Variants in RSRC1 observed in about 807,000 individuals in gnomAD.
The protein encoded by RSRC1 is arginine and serine rich coiled-coil 1.
Under a neutral mutation model 49.1 loss-of-function variants are expected in RSRC1, and 39 were observed. The observed-to-expected ratio is 0.79, with a 90% CI of 0.61 to 1.04. The LOEUF is 1.04. RSRC1 is among the 50% of genes least tolerant of loss of function. The probability of loss-of-function intolerance (pLI) is 0.00; values close to 1 mark genes in which losing one functional copy is unlikely to be tolerated. For missense variants in RSRC1, 388 were observed against 402.4 expected (o/e 0.96, Z 0.31); for synonymous variants, 143 against 130.8 (o/e 1.09, Z -0.63).
At position 158,460,306 on chromosome 3, in the gene RSRC1, G is replaced by A. The variant is rs75713066; in HGVS notation, c.584-629G>A. On this transcript the variant is annotated intron_variant, in intron 6 of 9. Coordinates refer to ENST00000611884, the MANE Select transcript of RSRC1 (RefSeq NM_001271838.2). ...AATTAATTTACAGAGTATATTGATA[G>A]TCCCTTGTTACTGTGCTGTATATTT... 1.8e-4 allele frequency among the ~76,000 whole-genome samples: 28 copies of A among 151,958 alleles called. No homozygotes were observed. The East Asian group carries it at 3.1e-3, about 17-fold the overall frequency.
intron 4 of RSRC1, among the ~76,000 whole-genome samples, chr3:158,284,183 A>G (rs1262685795): frequency 6.6e-6 from 1 of 151,524 alleles, no homozygotes; most frequent in African/African-American, 2.4e-5. Context: ...GAGAATGATG[A>G]TTTCCAATTT....
chr3:158,256,377 T>C (rs766031669), intron 4 of RSRC1, among the ~76,000 whole-genome samples: 26 of 152,208 alleles, frequency 1.7e-4, no homozygotes, highest in Non-Finnish European at 3.7e-4. Flanking sequence ...GATTTGCGTA[T>C]GTTGAACTAG....
At chr3:158,187,089 C>T (rs1719974737) in intron 3 of RSRC1, among the ~76,000 whole-genome samples, 1 of 151,896 alleles carries the variant, frequency 6.6e-6, no homozygotes, top group Non-Finnish European at 1.5e-5. Context: ...TCAGTTTTAT[C>T]ACTCATTGGC....
intron 4 of RSRC1, among the ~76,000 whole-genome samples, chr3:158,290,700 T>G (rs917557895): frequency 6.6e-6 from 1 of 152,226 alleles, no homozygotes; most frequent in Non-Finnish European, 1.5e-5. Flanking sequence ...AATGTAGATA[T>G]GTAATAATGT....
chr3:158,445,119 A>G (rs1309970202), intron 6 of RSRC1, among the ~76,000 whole-genome samples: 1 of 152,212 alleles, frequency 6.6e-6, no homozygotes, highest in Non-Finnish European at 1.5e-5. Context: ...ATCTAGAACT[A>G]GAAATACCAT....
chr3:158,163,190 A>C (rs767614187), intron 3 of RSRC1, among the ~76,000 whole-genome samples: 3 of 152,030 alleles, frequency 2.0e-5, no homozygotes, highest in Non-Finnish European at 4.4e-5. Flanking sequence ...TTTAGTAGAG[A>C]TGGGGTTTCA....
intron 6 of RSRC1, among the ~76,000 whole-genome samples, chr3:158,398,268 A>G (rs573154068): frequency 6.6e-6 from 1 of 152,204 alleles, no homozygotes; most frequent in African/African-American, 2.4e-5. Flanking sequence ...ACAGAAACTT[A>G]TTTCTCACAG....
chr3:158,435,801 T>A (rs993680069), intron 6 of RSRC1, among the ~76,000 whole-genome samples: 21 of 151,762 alleles, frequency 1.4e-4, no homozygotes, highest in Non-Finnish European at 2.8e-4. Flanking sequence ...ATACATCTTT[T>A]AACTAGAAGA....
intron 4 of RSRC1, among the ~76,000 whole-genome samples, chr3:158,240,494 T>C (rs899263997): frequency 2.6e-5 from 4 of 152,220 alleles, no homozygotes; most frequent in African/African-American, 9.6e-5. Context: ...TTATTCATGA[T>C]GTATAATCTT....
intron 6 of RSRC1, among the ~76,000 whole-genome samples, chr3:158,431,836 C>T (rs1735784083): frequency 6.6e-6 from 1 of 151,778 alleles, no homozygotes; most frequent in South Asian, 2.1e-4. Flanking sequence ...ATTGTTTTGC[C>T]TCTGAAATAT....
intron 3 of RSRC1, among the ~76,000 whole-genome samples, chr3:158,145,937 T>G (rs1717076726): frequency 6.6e-6 from 1 of 152,164 alleles, no homozygotes. Flanking sequence ...GTTTGTCTGT[T>G]ATTGGTGTAT....
intron 3 of RSRC1, among the ~76,000 whole-genome samples, chr3:158,199,613 T>G (rs1362344808): frequency 1.3e-5 from 2 of 152,188 alleles, no homozygotes; most frequent in African/African-American, 2.4e-5. Context: ...GTAATTGATT[T>G]TAGATATTTC....
At chr3:158,491,355 T>C (rs541714116) in intron 7 of RSRC1, among the ~76,000 whole-genome samples, 1 of 152,346 alleles carries the variant, frequency 6.6e-6, no homozygotes, top group East Asian at 1.9e-4. Flanking sequence ...ATGTATGGAA[T>C]GATGTAAACT....
chr3:158,229,469 T>C lies in RSRC1; in HGVS notation c.494+26224T>C, dbSNP rs1722830285. Among the ~76,000 whole-genome samples, 3 of 150,750 alleles carry C rather than the reference T, an allele frequency of 2.0e-5. No individual in the cohort carries two copies. The South Asian group carries it at 6.2e-4, about 31-fold the overall frequency. ...ACACGTATATGTGTATGTATATACA[T>C]AATTATATTCACAAACACACATTTT... On this transcript the variant is annotated intron_variant, in intron 4 of 9. Transcript: ENST00000611884.
chr3:158,254,130 G>A (rs376609772), intron 4 of RSRC1, among the ~76,000 whole-genome samples: 5 of 152,170 alleles, frequency 3.3e-5, no homozygotes, highest in African/African-American at 4.8e-5. Context: ...ATTCCATGGT[G>A]TATATGTGCC....
intron 4 of RSRC1, among the ~76,000 whole-genome samples, chr3:158,261,222 T>G (rs1724876500): frequency 6.6e-6 from 1 of 152,236 alleles, no homozygotes; most frequent in Admixed American, 6.5e-5. Context: ...ATTACAATTC[T>G]GCTAGCTGTG....
chr3:158,132,099 T>C, intron 3 of RSRC1: 1 of 442,102 alleles, frequency 2.3e-6, no homozygotes, highest in Non-Finnish European at 4.6e-6. Context: ...TCCTCCTACC[T>C]CAACCTCCTG....
At chr3:158,267,540 A>T (rs542190141) in intron 4 of RSRC1, among the ~76,000 whole-genome samples, 11 of 150,294 alleles carry the variant, frequency 7.3e-5, no homozygotes, top group South Asian at 4.2e-4. Context: ...ATTTAAAAAA[A>T]TTTTTTTTTC....
intron 4 of RSRC1, among the ~76,000 whole-genome samples, chr3:158,253,498 T>G (rs1724345653): frequency 1.3e-5 from 2 of 152,142 alleles, no homozygotes; most frequent in Non-Finnish European, 2.9e-5. Context: ...ATATATGGTG[T>G]GTCCTTGAGA....
Sources: allele counts gnomAD v4.1 joint callset (sites outside exome capture counted in the v4.1 genomes callset), GRCh38; gene constraint gnomAD v4.1.1; transcripts MANE v1.5; gene names NCBI Gene and HGNC (gene_info 2026-07-23, HGNC 2026-07-21).